The following DLGAP1 variants were observed in gnomAD, a reference collection of about 807,000 sequenced individuals.
DLGAP1 encodes disks large-associated protein 1.
DLGAP1 carries 11 observed loss-of-function variants against 90.8 expected under a neutral mutation model. The ratio of observed to expected loss-of-function variants is 0.12; its 90% CI spans 0.08 to 0.20. DLGAP1 has a LOEUF of 0.20. Among genes scored for constraint, DLGAP1 ranks in the 10% least tolerant of loss-of-function variants. The pLI, the probability that DLGAP1 is intolerant of heterozygous loss-of-function variation, is 1.00. For missense variants in DLGAP1, 1,050 were observed against 1,333.8 expected, an observed-to-expected ratio of 0.79 and a Z score of 3.31; for synonymous variants, 558 against 540.7, an observed-to-expected ratio of 1.03 and a Z score of -0.44.
In DLGAP1 at chr18:3,600,775, G is replaced by GATATATATAGATATATAGATATATAGAT. The variant is rs74173792; in HGVS notation, c.1592-18528_1592-18527insATCTATATATCTATATATCTATATATAT. Among the ~76,000 whole-genome samples the GATATATATAGATATATAGATATATAGAT allele has an allele frequency of 1.8e-4, 2 of 11,106 alleles. 1 individual carries two copies. The highest frequency in any genetic ancestry group is 6.3e-4 in the African/African-American group (2 of 3,174). 7.3% of individuals were successfully genotyped at this position (11,106 alleles called of 152,430 possible). On this transcript the variant is annotated intron_variant, in intron 7 of 12. Coordinates refer to ENST00000315677, the MANE Select transcript of DLGAP1 (RefSeq NM_004746.4). ...ATATATAGATATATAGATATATATA[G>GATATATATAGATATATAGATATATAGAT]ATATATAGATATATATAGATATATA...
At chr18:3,794,931 G>T (rs1015764061) in intron 5 of DLGAP1, among the ~76,000 whole-genome samples, 1 of 152,196 alleles carries the variant, frequency 6.6e-6, no homozygotes, top group Non-Finnish European at 1.5e-5. Flanking sequence ...CTCCCACTGC[G>T]AAGCCTTAGG....
At chr18:4,105,772 T>C (rs2075848948) in intron 2 of DLGAP1, among the ~76,000 whole-genome samples, 1 of 152,162 alleles carries the variant, frequency 6.6e-6, no homozygotes, top group Non-Finnish European at 1.5e-5. Flanking sequence ...GGCTCACGCC[T>C]GTAATCCCAG....
At chr18:4,017,612 T>A (rs905608487) in intron 2 of DLGAP1, among the ~76,000 whole-genome samples, 2 of 152,066 alleles carry the variant, frequency 1.3e-5, no homozygotes, top group Non-Finnish European at 2.9e-5. Context: ...AAGCAAAGAG[T>A]GCCCCTGCTG....
chr18:3,657,025 C>T (rs1246290911), intron 7 of DLGAP1, among the ~76,000 whole-genome samples: 2 of 152,102 alleles, frequency 1.3e-5, no homozygotes, highest in African/African-American at 4.8e-5. Flanking sequence ...GGATTACAGG[C>T]GTGAGCCACC....
chr18:4,055,870 T>C (rs2075206807), intron 2 of DLGAP1, among the ~76,000 whole-genome samples: 1 of 152,166 alleles, frequency 6.6e-6, no homozygotes, highest in Non-Finnish European at 1.5e-5. Context: ...AGAATTATAC[T>C]GTCATAAGTA....
chr18:4,391,320 G>A (rs757854887), intron 1 of DLGAP1, among the ~76,000 whole-genome samples: 34 of 152,174 alleles, frequency 2.2e-4, no homozygotes, highest in Admixed American at 3.9e-4. Flanking sequence ...GATGTGCTCA[G>A]AAAGTTTGCT....
At position 3,668,601 on chromosome 18, in the gene DLGAP1, C is replaced by CA. The variant is rs542960419; in HGVS notation, c.1591+60533dup. 6.1e-4 allele frequency among the ~76,000 whole-genome samples: 93 copies of CA among 151,372 alleles called. 1 individual carries two copies. The highest frequency in any genetic ancestry group is 2.1e-3 in the East Asian group (11 of 5,164). Reference sequence around the variant, plus strand: ...TGGCAAAATACTGGACTCCACTGTGCAAAAAAAAATCTCTGCTCAGGCCTT... The same window carrying CA: ...TGGCAAAATACTGGACTCCACTGTGCAAAAAAAAAATCTCTGCTCAGGCCTT... On this transcript the variant is annotated intron_variant, in intron 7 of 12. Coordinates refer to ENST00000315677, the MANE Select transcript of DLGAP1 (RefSeq NM_004746.4).
At chr18:3,575,654 C>A (rs8088946) in intron 8 of DLGAP1, among the ~76,000 whole-genome samples, 1,909 of 152,156 alleles carry the variant, frequency 0.013, 42 homozygotes, top group African/African-American at 0.044. Flanking sequence ...TTATAATAAT[C>A]CTGTATACAT....
At chr18:4,375,841 C>T (rs2082003064) in intron 1 of DLGAP1, among the ~76,000 whole-genome samples, 1 of 152,082 alleles carries the variant, frequency 6.6e-6, no homozygotes, top group South Asian at 2.1e-4. Context: ...AGAGTACATC[C>T]TTATTTCCAG....
intron 5 of DLGAP1, among the ~76,000 whole-genome samples, chr18:3,747,061 A>C (rs1481651375): frequency 6.6e-6 from 1 of 152,230 alleles, no homozygotes; most frequent in Non-Finnish European, 1.5e-5. Flanking sequence ...TTACTGTTAC[A>C]AAAGATAAAC....
intron 9 of DLGAP1, among the ~76,000 whole-genome samples, chr18:3,566,800 G>T (rs2054449830): frequency 6.6e-6 from 1 of 152,018 alleles, no homozygotes; most frequent in Non-Finnish European, 1.5e-5. Context: ...AAATCACAAT[G>T]CTGGAAGCTG....
At chr18:4,418,866 A>C (rs1295858012) in intron 1 of DLGAP1, among the ~76,000 whole-genome samples, 1 of 151,044 alleles carries the variant, frequency 6.6e-6, no homozygotes, top group African/African-American at 2.4e-5. Context: ...AACAAAACAA[A>C]AAAAAAACCT....
intron 2 of DLGAP1, among the ~76,000 whole-genome samples, chr18:4,111,538 G>A (rs2075972215): frequency 6.6e-6 from 1 of 152,132 alleles, no homozygotes; most frequent in South Asian, 2.1e-4. Flanking sequence ...ACTTATCAGT[G>A]AAGTCATCTG....
At chr18:3,927,684 A>G (rs1224252599) in intron 3 of DLGAP1, among the ~76,000 whole-genome samples, 1 of 152,240 alleles carries the variant, frequency 6.6e-6, no homozygotes. Context: ...TGTTTGAATT[A>G]TTCCTTTATA....
intron 5 of DLGAP1, among the ~76,000 whole-genome samples, chr18:3,765,209 C>T (rs2064172210): frequency 7.0e-6 from 1 of 142,342 alleles, no homozygotes; most frequent in African/African-American, 2.7e-5. Flanking sequence ...CTCATTGCAG[C>T]AAGCTTTGCC....
chr18:3,879,502 C>G lies in DLGAP1; in HGVS notation c.567G>C (p.Ala189=), dbSNP rs763053440. The G allele has an allele frequency of 6.2e-7, 1 of 1,603,412 alleles. No individual in the cohort carries two copies. Among genetic ancestry groups the G allele is most frequent in the Non-Finnish European group, 8.5e-7 (1 of 1,179,674 alleles). ...GKRSKSKERR[A]EPKARPSTSP... ...AGGTGCTGGGCCGGGCCTTGGGCTC[C>G]GCGCGCCGCTCCTTGCTCTTGCTGC... Residue 189 remains alanine, a synonymous_variant, in exon 4 of 13, where the codon GCG becomes GCC. Transcript: ENST00000315677. This position sits in a 1 kb window ranked among gnomAD's most constrained non-coding sequence, Gnocchi z 6.6.
intron 3 of DLGAP1, among the ~76,000 whole-genome samples, chr18:3,950,037 T>C: frequency 6.6e-6 from 1 of 152,242 alleles, no homozygotes; most frequent in East Asian, 1.9e-4. Context: ...AAGTGAGTTC[T>C]ATATTACTGA....
At chr18:3,915,225 C>G (rs1166256193) in intron 3 of DLGAP1, among the ~76,000 whole-genome samples, 6 of 152,252 alleles carry the variant, frequency 3.9e-5, no homozygotes, top group Non-Finnish European at 8.8e-5. Context: ...TTTCCTTGCT[C>G]TGGAAACTAT....
chr18:4,194,826 T>C (rs897242140), intron 1 of DLGAP1, among the ~76,000 whole-genome samples: 4 of 152,312 alleles, frequency 2.6e-5, no homozygotes, highest in African/African-American at 9.6e-5. Context: ...TATACATTTA[T>C]GGGACACAAA....
Sources: gnomAD v4.1 joint callset for allele counts (sites outside exome capture counted in the v4.1 genomes callset) on GRCh38, gnomAD v4.1.1 for gene constraint, Gnocchi (gnomAD v3.1) non-coding constraint, MANE v1.5 for transcripts, NCBI Gene and HGNC (gene_info 2026-07-23, HGNC 2026-07-21) for gene names.